The following GRM8 variants were observed in gnomAD, a reference collection of about 807,000 sequenced individuals.
The protein encoded by GRM8 is metabotropic glutamate receptor 8.
GRM8 carries 47 observed loss-of-function variants against 87.2 expected under a neutral mutation model. The ratio of observed to expected loss-of-function variants is 0.54; its 90% CI spans 0.43 to 0.69. The LOEUF is 0.69. Ranked by LOEUF, GRM8 falls within the 30% of genes least tolerant of loss-of-function variation. The probability of loss-of-function intolerance (pLI) is 0.00; values close to 1 mark genes in which losing one functional copy is unlikely to be tolerated. For missense variants in GRM8, 1,019 were observed against 1,139.2 expected (o/e 0.89, Z 1.52); for synonymous variants, 396 against 404.5 (o/e 0.98, Z 0.25).
rs555482676 is a variant in GRM8 at position 126,640,572 on chromosome 7, CA to C, written c.1358-31075del. On this transcript the variant is annotated intron_variant, in intron 7 of 10. Coordinates refer to ENST00000339582, the MANE Select transcript of GRM8 (RefSeq NM_000845.3). The stretch of plus-strand genomic sequence containing the variant: ...CAATCTCTCTCTCTGTCAGTATGGA[CA>C]AAGAATATATATTAGGGTGGGTGCA... Among the ~76,000 whole-genome samples, 21 of 152,142 alleles carry C rather than the reference CA, an allele frequency of 1.4e-4. No individual in the cohort carries two copies. The East Asian group carries it at 3.5e-3, about 25-fold the overall frequency.
At chr7:126,450,006 C>T (rs189381392) in intron 9 of GRM8, among the ~76,000 whole-genome samples, 42 of 151,888 alleles carry the variant, frequency 2.8e-4, no homozygotes, top group African/African-American at 8.4e-4. Flanking sequence ...TAAGCAATCT[C>T]TAGATAAGCC....
chr7:126,799,300 C>G (rs997774149), intron 6 of GRM8, among the ~76,000 whole-genome samples: 7 of 152,188 alleles, frequency 4.6e-5, no homozygotes, highest in African/African-American at 1.7e-4. Flanking sequence ...ACACCTGGTA[C>G]TAAAACTGAA....
At chr7:126,939,728 T>A (rs1004307947) in intron 3 of GRM8, among the ~76,000 whole-genome samples, 1 of 152,194 alleles carries the variant, frequency 6.6e-6, no homozygotes, top group African/African-American at 2.4e-5. Context: ...TCTCAGTAGA[T>A]ACCAAAATGC....
At chr7:126,666,681 G>C (rs1805804713) in intron 7 of GRM8, among the ~76,000 whole-genome samples, 1 of 151,528 alleles carries the variant, frequency 6.6e-6, no homozygotes, top group African/African-American at 2.4e-5. Context: ...AATTCTAACA[G>C]TGATTTAAAA....
intron 7 of GRM8, among the ~76,000 whole-genome samples, chr7:126,647,814 C>G (rs1803332397): frequency 6.6e-6 from 1 of 152,170 alleles, no homozygotes; most frequent in Non-Finnish European, 1.5e-5. Context: ...ACCGAAACAT[C>G]TGCTTGTAAA....
chr7:126,932,319 A>T (rs1805847563), intron 3 of GRM8, among the ~76,000 whole-genome samples: 1 of 152,212 alleles, frequency 6.6e-6, no homozygotes, highest in African/African-American at 2.4e-5. Context: ...GAAGTTAAGA[A>T]AGGTCAATCA....
At chr7:126,714,861 T>A (rs1811547390) in intron 7 of GRM8, among the ~76,000 whole-genome samples, 1 of 152,030 alleles carries the variant, frequency 6.6e-6, no homozygotes, top group African/African-American at 2.4e-5. Context: ...ATTCTTACAA[T>A]AAAGTAAGCT....
intron 8 of GRM8, among the ~76,000 whole-genome samples, chr7:126,548,021 C>T (rs1366348145): frequency 2.6e-5 from 4 of 151,880 alleles, no homozygotes; most frequent in Non-Finnish European, 4.4e-5. Context: ...CAAAAAGATG[C>T]GAAGAATATC....
intron 7 of GRM8, among the ~76,000 whole-genome samples, chr7:126,763,463 A>T (rs1300493696): frequency 1.5e-5 from 1 of 64,892 alleles, no homozygotes; most frequent in Non-Finnish European, 3.8e-5. Context: ...ATATATATAT[A>T]TATATATATA....
intron 6 of GRM8, among the ~76,000 whole-genome samples, chr7:126,806,819 C>T (rs982811244): frequency 3.3e-5 from 5 of 152,172 alleles, no homozygotes; most frequent in African/African-American, 1.2e-4. Context: ...TTGCGGAGCC[C>T]GCGCCTACCC....
chr7:126,765,202 C>G (rs1231571496), intron 7 of GRM8, among the ~76,000 whole-genome samples: 1 of 151,966 alleles, frequency 6.6e-6, no homozygotes. Context: ...TCCTGTGAAC[C>G]TAGAAGAAGA....
At chr7:126,912,414 A>C (rs1436334504) in intron 3 of GRM8, among the ~76,000 whole-genome samples, 2 of 152,142 alleles carry the variant, frequency 1.3e-5, no homozygotes, top group Non-Finnish European at 2.9e-5. Flanking sequence ...TCTGGCTCTG[A>C]GGCATTCAAA....
chr7:126,912,198 AAAACAAACAAAC>A (rs55857352), intron 3 of GRM8, among the ~76,000 whole-genome samples: 71 of 150,706 alleles, frequency 4.7e-4, no homozygotes, highest in South Asian at 3.4e-3. Context: ...CTCTGTCTCA[AAAACAAACAAAC>A]AAACAAACAA....
At chr7:127,071,808 T>A (rs923034623) in intron 3 of GRM8, among the ~76,000 whole-genome samples, 6 of 152,110 alleles carry the variant, frequency 3.9e-5, no homozygotes, top group African/African-American at 1.4e-4. Context: ...TTGCCAGAAA[T>A]AAATCCAACT....
intron 3 of GRM8, among the ~76,000 whole-genome samples, chr7:127,051,602 C>T (rs1422044905): frequency 6.6e-6 from 1 of 151,594 alleles, no homozygotes; most frequent in African/African-American, 2.4e-5. Flanking sequence ...GGCACCATTT[C>T]CAACAATGAA....
chr7:127,158,920 C>A (rs573448433), intron 2 of GRM8, among the ~76,000 whole-genome samples: 102 of 152,274 alleles, frequency 6.7e-4, no homozygotes, highest in Non-Finnish European at 1.3e-3. Context: ...CTCACCACCT[C>A]TAGAAGGGCC....
At chr7:126,492,473 T>G (rs1490486890) in intron 9 of GRM8, among the ~76,000 whole-genome samples, 2 of 152,148 alleles carry the variant, frequency 1.3e-5, no homozygotes, top group South Asian at 2.1e-4. Flanking sequence ...AACTTTAAGA[T>G]AGAAAGGAAA....
intron 3 of GRM8, among the ~76,000 whole-genome samples, chr7:126,925,990 G>A (rs1038775180): frequency 1.1e-4 from 16 of 151,828 alleles, no homozygotes; most frequent in African/African-American, 3.9e-4. Context: ...TATAGCTTTT[G>A]GTACATAGTG....
intron 2 of GRM8, among the ~76,000 whole-genome samples, chr7:127,206,846 A>G (rs2116601417): frequency 6.6e-6 from 1 of 152,330 alleles, no homozygotes; most frequent in Admixed American, 6.5e-5. Flanking sequence ...TTCCTAGAAG[A>G]CTTTTCCTTA....
Sources: allele counts gnomAD v4.1 joint callset (sites outside exome capture counted in the v4.1 genomes callset), GRCh38; gene constraint gnomAD v4.1.1; transcripts MANE v1.5; gene names NCBI Gene and HGNC (gene_info 2026-07-23, HGNC 2026-07-21).